Variants in CSMD1 observed in about 807,000 individuals in gnomAD.
CSMD1 encodes CUB and Sushi multiple domains 1, also known as CUB and sushi domain-containing protein 1.
A neutral mutation model predicts 417.5 loss-of-function variants in CSMD1; 213 were observed. The ratio of observed to expected loss-of-function variants is 0.51; its 90% CI spans 0.46 to 0.57. CSMD1 has a LOEUF of 0.57. Among genes scored for constraint, CSMD1 ranks in the 20% least tolerant of loss-of-function variants. The pLI is 0.00. For synonymous variants in CSMD1, 2,862 were observed against 1,736.8 expected (o/e 1.65, Z -16.11); for missense variants, 6,923 against 4,529.7 (o/e 1.53, Z -15.17).
At chr8:4,643,670 G>T (rs750796220) in intron 1 of CSMD1, among the ~76,000 whole-genome samples, 15 of 152,188 alleles carry the variant, frequency 9.9e-5, no homozygotes, top group Non-Finnish European at 2.2e-4. Flanking sequence ...GAAGGAAGTG[G>T]AAGTTTCCCT....
intron 3 of CSMD1, among the ~76,000 whole-genome samples, chr8:4,085,508 A>T (rs1007017907): frequency 2.0e-5 from 3 of 152,228 alleles, no homozygotes; most frequent in Admixed American, 1.3e-4. Flanking sequence ...TTCTTTCCTA[A>T]TATAAATTTT....
intron 2 of CSMD1, among the ~76,000 whole-genome samples, chr8:4,533,093 A>T (rs951007855): frequency 6.6e-6 from 1 of 152,192 alleles, no homozygotes; most frequent in African/African-American, 2.4e-5. Context: ...TTGGTTCTAG[A>T]TACATCATAT....
chr8:4,659,277 T>C (rs113236291), intron 1 of CSMD1, among the ~76,000 whole-genome samples: 1 of 143,396 alleles, frequency 7.0e-6, no homozygotes, highest in South Asian at 2.2e-4. Context: ...AAAAGATCAA[T>C]TAACACCCTA....
chr8:4,634,163 C>G (rs917832652), intron 2 of CSMD1, among the ~76,000 whole-genome samples: 2 of 151,944 alleles, frequency 1.3e-5, no homozygotes, highest in African/African-American at 2.4e-5. Flanking sequence ...GATGGGTGCC[C>G]AAATCATATA....
chr8:3,658,462 T>C (rs1798238938), intron 7 of CSMD1, among the ~76,000 whole-genome samples: 2 of 44,752 alleles, frequency 4.5e-5, no homozygotes, highest in East Asian at 1.1e-3. Flanking sequence ...AATATATATA[T>C]TGTGTATATA....
At chr8:4,980,622 G>T (rs1810836880) in intron 1 of CSMD1, among the ~76,000 whole-genome samples, 1 of 152,144 alleles carries the variant, frequency 6.6e-6, no homozygotes, top group Admixed American at 6.5e-5. Flanking sequence ...ATCTTATCTA[G>T]CCAGGCATGG....
intron 2 of CSMD1, among the ~76,000 whole-genome samples, chr8:4,573,169 G>T (rs932141858): frequency 6.6e-6 from 1 of 152,174 alleles, no homozygotes; most frequent in Non-Finnish European, 1.5e-5. Context: ...TGCTGGCAAG[G>T]AGTTGTGATC....
At chr8:4,956,484 T>C (rs944927455) in intron 1 of CSMD1, among the ~76,000 whole-genome samples, 2 of 148,324 alleles carry the variant, frequency 1.3e-5, no homozygotes, top group South Asian at 2.1e-4. Flanking sequence ...AAAATGCATA[T>C]GTGTATAAAA....
At chr8:4,319,638 C>G (rs894145329) in intron 3 of CSMD1, among the ~76,000 whole-genome samples, 1 of 151,940 alleles carries the variant, frequency 6.6e-6, no homozygotes, top group South Asian at 2.1e-4. Context: ...AATTACTTAC[C>G]CAGTTCACTG....
rs1025726562 is a variant in CSMD1 at position 3,043,559 on chromosome 8, A to T, written c.7660+8903T>A. On this transcript the variant is annotated intron_variant, in intron 50 of 69. Transcript: ENST00000635120. Reference sequence around the variant, plus strand: ...GTCCTCATGGTGCCCAGCATAGAGTAGGTCCACATAAATAAATTGTTAATG... The same window carrying T: ...GTCCTCATGGTGCCCAGCATAGAGTTGGTCCACATAAATAAATTGTTAATG... 2.0e-5 allele frequency among the ~76,000 whole-genome samples: 3 copies of T among 152,152 alleles called. No individual in the cohort carries two copies. In the East Asian group the frequency reaches 5.8e-4, roughly 29 times the overall value.
At chr8:3,375,346 A>G (rs924756964) in intron 18 of CSMD1, 3 of 152,086 alleles carry the variant, frequency 2.0e-5, no homozygotes, top group African/African-American at 7.2e-5. Flanking sequence ...TTCCTCAAAG[A>G]GATCCACCTG....
At chr8:4,788,201 T>C in intron 1 of CSMD1, 4 of 1,592,830 alleles carry the variant, frequency 2.5e-6, no homozygotes, top group South Asian at 1.1e-5. Context: ...CATGTGAACT[T>C]TGAGTAACAT....
At chr8:4,628,439 C>CACAT (rs1554528933) in intron 2 of CSMD1, among the ~76,000 whole-genome samples, 1 of 146,210 alleles carries the variant, frequency 6.8e-6, no homozygotes, top group East Asian at 2.0e-4. Context: ...CACATATACA[C>CACAT]ATATATACAC....
chr8:4,979,419 C>T (rs979031177), intron 1 of CSMD1, among the ~76,000 whole-genome samples: 5 of 152,176 alleles, frequency 3.3e-5, no homozygotes, highest in African/African-American at 7.2e-5. Context: ...GGAGGAGAGA[C>T]GGAACTCGAG....
intron 1 of CSMD1, among the ~76,000 whole-genome samples, chr8:4,819,392 T>C (rs897182885): frequency 6.6e-6 from 1 of 152,146 alleles, no homozygotes; most frequent in Admixed American, 6.5e-5. Flanking sequence ...ATTTGTTTCA[T>C]TTTATGTCAT....
chr8:4,741,479 T>C (rs1175346568), intron 1 of CSMD1, among the ~76,000 whole-genome samples: 3 of 152,318 alleles, frequency 2.0e-5, no homozygotes, highest in African/African-American at 7.2e-5. Context: ...TTCATAAACA[T>C]ACACAAATAT....
At chr8:4,429,134 C>T (rs776313396) in intron 2 of CSMD1, among the ~76,000 whole-genome samples, 1 of 151,196 alleles carries the variant, frequency 6.6e-6, no homozygotes, top group African/African-American at 2.4e-5. Flanking sequence ...TCTATGAAAA[C>T]TGATATATAA....
intron 5 of CSMD1, among the ~76,000 whole-genome samples, chr8:3,973,288 C>G (rs192031672): frequency 6.6e-6 from 1 of 152,228 alleles, no homozygotes; most frequent in African/African-American, 2.4e-5. Flanking sequence ...TAGGGTTCTC[C>G]CACCTGCCGA....
chr8:4,445,472 G>A (rs975718630), intron 2 of CSMD1, among the ~76,000 whole-genome samples: 2 of 151,218 alleles, frequency 1.3e-5, no homozygotes, highest in African/African-American at 4.8e-5. Context: ...AGTCACTTAA[G>A]AAAGTCAAAG....
Sources: allele counts gnomAD v4.1 joint callset (sites outside exome capture counted in the v4.1 genomes callset), GRCh38; gene constraint gnomAD v4.1.1; transcripts MANE v1.5; gene names NCBI Gene and HGNC (gene_info 2026-07-23, HGNC 2026-07-21).